The following KLRG1 variants were observed in gnomAD, a reference collection of about 807,000 sequenced individuals.
KLRG1 encodes killer cell lectin-like receptor subfamily G member 1.
KLRG1 carries 16 observed loss-of-function variants against 21.8 expected under a neutral mutation model. The ratio of observed to expected loss-of-function variants is 0.73; its 90% CI spans 0.50 to 1.11. The LOEUF is 1.11. Among genes scored for constraint, KLRG1 ranks in the 50% most tolerant of loss-of-function variants. The pLI is 0.00. For missense variants in KLRG1, 173 were observed against 218.3 expected, an observed-to-expected ratio of 0.79 and a Z score of 1.31; for synonymous variants, 69 against 75.9, an observed-to-expected ratio of 0.91 and a Z score of 0.47.
At chr12:9,123,428 C>T in the KLRG1 span, among the ~76,000 whole-genome samples, 1 of 151,980 alleles carries the variant, frequency 6.6e-6, no homozygotes, top group African/African-American at 2.4e-5. Flanking sequence ...ATAAGCCCTG[C>T]AGTATTGAGA....
At chr12:8,983,973 T>A (rs762785643) in intron 1 of KLRG1, among the ~76,000 whole-genome samples, 1 of 152,320 alleles carries the variant, frequency 6.6e-6, no homozygotes, top group South Asian at 2.1e-4. Flanking sequence ...TGATCATTAC[T>A]TTTTCAAATT....
chr12:9,095,513 G>T, the KLRG1 span: 1 of 1,597,750 alleles, frequency 6.3e-7, no homozygotes, highest in South Asian at 1.1e-5. Flanking sequence ...CTTAAGATCA[G>T]ACCATCTGCA....
chr12:9,163,712 C>T, the KLRG1 span: 1 of 1,614,016 alleles, frequency 6.2e-7, no homozygotes, highest in Non-Finnish European at 8.5e-7. Flanking sequence ...CTTTTAATCT[C>T]AGGGACCTCA....
chr12:9,185,526 C>T, the KLRG1 span, among the ~76,000 whole-genome samples: 1 of 152,188 alleles, frequency 6.6e-6, no homozygotes, highest in African/African-American at 2.4e-5. Context: ...GGATATCATC[C>T]ATGAGAACTT....
the KLRG1 span, among the ~76,000 whole-genome samples, chr12:9,023,404 T>G: frequency 6.6e-6 from 1 of 152,198 alleles, no homozygotes; most frequent in Non-Finnish European, 1.5e-5. Flanking sequence ...TTTTTCCTAT[T>G]CAATCTTTTG....
the KLRG1 span, among the ~76,000 whole-genome samples, chr12:9,096,229 T>TCTAAGTACTCATCTAAGTA: frequency 6.6e-6 from 1 of 152,190 alleles, no homozygotes; most frequent in Non-Finnish European, 1.5e-5. Flanking sequence ...AAACACTCCA[T>TCTAAGTACTCATCTAAGTA]CTAAGTACTC....
the KLRG1 span, chr12:9,098,724 G>C: frequency 6.2e-7 from 1 of 1,613,094 alleles, no homozygotes. Context: ...GTGAGGCTGG[G>C]AGACTTTGTG....
chr12:9,212,102 G>A, the KLRG1 span, among the ~76,000 whole-genome samples: 1 of 152,168 alleles, frequency 6.6e-6, no homozygotes, highest in Non-Finnish European at 1.5e-5. Flanking sequence ...GACAGTGCTG[G>A]TCCAGATTGC....
At chr12:9,047,228 A>G in the KLRG1 span, among the ~76,000 whole-genome samples, 4 of 152,226 alleles carry the variant, frequency 2.6e-5, no homozygotes, top group Non-Finnish European at 5.9e-5. Flanking sequence ...TATTATTAGT[A>G]GCAATAAAAC....
At chr12:9,169,399 C>G in the KLRG1 span, 1 of 1,530,798 alleles carries the variant, frequency 6.5e-7, no homozygotes, top group South Asian at 1.2e-5. Context: ...AACTCACAAG[C>G]CAGCATGTTA....
At chr12:9,005,956 C>T (rs1947459942) in intron 3 of KLRG1, among the ~76,000 whole-genome samples, 1 of 152,230 alleles carries the variant, frequency 6.6e-6, no homozygotes, top group Non-Finnish European at 1.5e-5. Context: ...CTGTGCAGCC[C>T]AGTTCCTAAT....
the KLRG1 span, chr12:9,202,464 CTT>C: frequency 3.1e-6 from 5 of 1,612,426 alleles, no homozygotes; most frequent in Admixed American, 8.3e-5. Context: ...ATAATGGAGA[CTT>C]TGGCTGTTCA....
chr12:9,059,659 A>G, the KLRG1 span, among the ~76,000 whole-genome samples: 1 of 152,052 alleles, frequency 6.6e-6, no homozygotes, highest in Non-Finnish European at 1.5e-5. Context: ...ATCTTTATTT[A>G]TTTTTGTTTT....
At chr12:9,031,934 G>A in the KLRG1 span, among the ~76,000 whole-genome samples, 1 of 152,174 alleles carries the variant, frequency 6.6e-6, no homozygotes, top group African/African-American at 2.4e-5. Flanking sequence ...TGACAGTTCT[G>A]GAGGCCCAAA....
the KLRG1 span, chr12:9,068,251 C>T: frequency 1.3e-6 from 2 of 1,595,318 alleles, no homozygotes; most frequent in Non-Finnish European, 1.7e-6. Flanking sequence ...CAACAAAAAA[C>T]CAGAAATCAT....
chr12:9,018,678 T>G, the KLRG1 span, among the ~76,000 whole-genome samples: 2 of 143,454 alleles, frequency 1.4e-5, no homozygotes, highest in Non-Finnish European at 3.0e-5. Context: ...TCATCTCTAT[T>G]TAAAAAAAAA....
In KLRG1 at chr12:8,989,803, G is replaced by A. The variant is rs1274306380; in HGVS notation, c.82+86G>A. 1.2e-5 allele frequency: 9 copies of A among 754,612 alleles called. No homozygotes were observed. The Admixed American group carries it at 1.9e-4, about 16-fold the overall frequency. The allele number at this position is 754,612 out of a possible 1,614,324, so 46.7% of individuals were successfully genotyped here. On this transcript the variant is annotated intron_variant, in intron 1 of 4. Transcript: ENST00000356986. ...GGGAGTAGAATAAGTTTAAAGCAGA[G>A]GGTGCAGAAGAATTGAGGATAATTT...
At chr12:9,111,139 TAAG>T in the KLRG1 span, among the ~76,000 whole-genome samples, 10 of 152,306 alleles carry the variant, frequency 6.6e-5, no homozygotes, top group South Asian at 4.1e-4. Flanking sequence ...TAAACATTGA[TAAG>T]AAGCTACTAT....
chr12:8,962,707 C>A (rs1438246023), intron 1 of KLRG1, among the ~76,000 whole-genome samples: 1 of 138,732 alleles, frequency 7.2e-6, no homozygotes, highest in Middle Eastern at 3.3e-3. Context: ...CAGAGCCAGA[C>A]CCTGTTTCCC....
Sources: allele counts gnomAD v4.1 joint callset (sites outside exome capture counted in the v4.1 genomes callset), GRCh38; gene constraint gnomAD v4.1.1; transcripts MANE v1.5; gene names NCBI Gene and HGNC (gene_info 2026-07-23, HGNC 2026-07-21).